The following STXBP3 variants were observed in gnomAD, a reference collection of about 807,000 sequenced individuals.
STXBP3 encodes the protein syntaxin binding protein 3, also known as syntaxin-binding protein 3.
STXBP3 carries 41 observed loss-of-function variants against 85.7 expected under a neutral mutation model. That is an observed-to-expected ratio of 0.48 (90% CI 0.37 to 0.62). The LOEUF is 0.62. Ranked by LOEUF, STXBP3 falls within the 20% of genes least tolerant of loss-of-function variation. The pLI is 0.00. For synonymous variants in STXBP3, 229 were observed against 231.7 expected (o/e 0.99, Z 0.10); for missense variants, 563 against 703.1 (o/e 0.80, Z 2.25).
At chr1:108,796,517 T>C in intron 14 of STXBP3, 103 bp from the exon 15 acceptor site, 1 of 1,212,528 alleles carries the variant, frequency 8.2e-7, no homozygotes, top group African/African-American at 1.5e-5. Flanking sequence ...ATAATTTGAC[T>C]GTTTTTTATT....
intron 1 of STXBP3, among the ~76,000 whole-genome samples, chr1:108,749,551 T>G (rs942201872): frequency 2.6e-5 from 4 of 152,134 alleles, no homozygotes; most frequent in Admixed American, 1.3e-4. Context: ...GCTAGAGAAA[T>G]GGATATAAGG....
intron 1 of STXBP3, among the ~76,000 whole-genome samples, chr1:108,751,658 T>A (rs1192855949): frequency 6.6e-6 from 1 of 152,138 alleles, no homozygotes; most frequent in Non-Finnish European, 1.5e-5. Flanking sequence ...TTGTATAAAT[T>A]GTCCACATGA....
intron 3 of STXBP3, among the ~76,000 whole-genome samples, chr1:108,755,273 T>C (rs2101103566): frequency 6.6e-6 from 1 of 152,034 alleles, no homozygotes; most frequent in East Asian, 1.9e-4. Flanking sequence ...TAGTGAGACT[T>C]TGTCTCTACT....
intron 6 of STXBP3, among the ~76,000 whole-genome samples, chr1:108,764,122 G>A (rs920748790): frequency 5.3e-5 from 8 of 152,032 alleles, no homozygotes; most frequent in Non-Finnish European, 1.0e-4. Flanking sequence ...ACTTGTAAGT[G>A]AAAACATGTA....
chr1:108,769,348 T>C (rs1662333640), intron 6 of STXBP3, among the ~76,000 whole-genome samples: 1 of 152,104 alleles, frequency 6.6e-6, no homozygotes, highest in Non-Finnish European at 1.5e-5. Flanking sequence ...GTAACTTTTA[T>C]TGAAAAAAAT....
Position 108,756,694 on chromosome 1 carries a change from A to G in STXBP3, c.186A>G (p.Val62=). 2 of 1,561,392 alleles carry G rather than the reference A, an allele frequency of 1.3e-6. No homozygotes were observed. The highest frequency in any genetic ancestry group is 2.7e-5 in the African/African-American group (2 of 73,672). Residue 62 remains valine (V), a synonymous_variant, in exon 4 of 19, where the codon GTA becomes GTG. Transcript: ENST00000370008. ...AATGACCTTTTTTCTTGTTAGTTGT[A>G]GAGAATATTTATAAGAACCGTGAAC... The part of the protein sequence containing the change: ...TDLLEEGITV[V]ENIYKNREPV...
intron 1 of STXBP3, among the ~76,000 whole-genome samples, chr1:108,747,251 A>G (rs1419375508): frequency 7.3e-6 from 1 of 137,076 alleles, no homozygotes; most frequent in Non-Finnish European, 1.6e-5. Flanking sequence ...TATTCTGCTT[A>G]TTCGTGTTAG....
At chr1:108,758,676 A>C in intron 5 of STXBP3, 88 bp downstream of exon 5, 2 of 573,490 alleles carry the variant, frequency 3.5e-6, no homozygotes, top group Non-Finnish European at 5.8e-6. Context: ...CCAAAATGTC[A>C]TTAAAGTATC....
chr1:108,748,902 G>A (rs543231399), intron 1 of STXBP3, among the ~76,000 whole-genome samples: 7 of 152,304 alleles, frequency 4.6e-5, no homozygotes, highest in East Asian at 3.9e-4. Flanking sequence ...TTAGGTAGAA[G>A]CCAGTCAGTG....
chr1:108,789,186 TTTCC>T (rs1662925004), intron 11 of STXBP3, among the ~76,000 whole-genome samples: 1 of 152,270 alleles, frequency 6.6e-6, no homozygotes, highest in South Asian at 2.1e-4. Context: ...CTCAGTTTTA[TTTCC>T]TTCCTTCAGC....
intron 17 of STXBP3, 107 bp from the exon 18 acceptor site, chr1:108,807,294 G>T: frequency 8.9e-7 from 1 of 1,120,682 alleles, no homozygotes; most frequent in Non-Finnish European, 1.2e-6. Context: ...AATGTAATTG[G>T]TAGCAAGTTT....
At chr1:108,765,570 A>ATTTT (rs35813823) in intron 6 of STXBP3, among the ~76,000 whole-genome samples, 708 of 67,160 alleles carry the variant, frequency 0.011, 119 homozygotes, top group African/African-American at 0.031. Context: ...CCACATGCTA[A>ATTTT]TTTTTTTTTT....
At chr1:108,779,568 C>T in intron 9 of STXBP3, 158 bp downstream of exon 9, 1 of 751,690 alleles carries the variant, frequency 1.3e-6, no homozygotes, top group African/African-American at 1.8e-5. Flanking sequence ...TAGTCTTTGA[C>T]AGATAATGTT....
chr1:108,804,420 C>T (rs543177050), intron 17 of STXBP3, among the ~76,000 whole-genome samples: 1 of 152,154 alleles, frequency 6.6e-6, no homozygotes, highest in East Asian at 1.9e-4. Context: ...TACTCTCTAT[C>T]CTCCTTTATT....
At position 108,793,157 on chromosome 1, in the gene STXBP3, ATTTTTTTTT is replaced by A. The variant is rs745652259; in HGVS notation, c.964-407_964-399del. On this transcript the variant is annotated intron_variant, in intron 11 of 18. Transcript: ENST00000370008. ...CTCACAGCCCCAAGCTCTTATCTCC[ATTTTTTTTT>A]TTTTTTTTTTTTTTTTTGCACCCAG... Among the ~76,000 whole-genome samples, 6 of 67,510 alleles carry A rather than the reference ATTTTTTTTT, an allele frequency of 8.9e-5. No individual in the cohort carries two copies. In the East Asian group the frequency reaches 2.8e-3, roughly 31 times the overall value. 44.3% of individuals were successfully genotyped at this position (67,510 alleles called of 152,430 possible).
At position 108,793,176 on chromosome 1, in the gene STXBP3, T is replaced by C. The variant is rs914991300; in HGVS notation, c.964-406T>C. Among the ~76,000 whole-genome samples, 5 of 146,566 alleles carry C rather than the reference T, an allele frequency of 3.4e-5. No homozygotes were observed. The East Asian group carries it at 1.0e-3, about 30-fold the overall frequency. On this transcript the variant is annotated intron_variant, in intron 11 of 18. Transcript: ENST00000370008. The stretch of plus-strand genomic sequence containing the variant: ...ATCTCCATTTTTTTTTTTTTTTTTT[T>C]TTTTTTTGCACCCAGGGAGATAATT...
chr1:108,798,154 G>C lies in STXBP3; in HGVS notation c.1366G>C (p.Gly456Arg). The change falls in exon 16 of 19, where the codon GGC becomes CGC. Residue 456 changes from glycine (G) to arginine (R), a missense_variant. Gly to Arg is a moderately radical substitution (Grantham distance 125). This residue lies in a region of STXBP3 where 494 missense variants were observed against 592.8 expected (regional missense o/e 0.83). Coordinates refer to ENST00000370008, the MANE Select transcript of STXBP3 (RefSeq NM_007269.4). ...CCTCTAATTGTATTAGTCTCAACAA[G>C]GCAAACCGTTAAGAAAGGATCGGTC... is the stretch of plus-strand genomic sequence containing the variant. ...GVPIVPQSQQ[G>R]KPLRKDRSAE... The C allele has an allele frequency of 6.2e-7, 1 of 1,607,160 alleles. No individual in the cohort carries two copies. The highest frequency in any genetic ancestry group is 8.5e-7 in the Non-Finnish European group (1 of 1,177,926).
rs1488011599 is a variant in STXBP3 at position 108,776,398 on chromosome 1, A to G, written c.659A>G (p.Lys220Arg). The change falls in exon 8 of 19, where the codon AAG (lysine) becomes AGG (arginine). Residue 220 changes from lysine (K) to arginine (R), a missense_variant. By Grantham distance (26) the Lys-to-Arg change is conservative (BLOSUM62 2). Around this residue, in one of 3 missense-constraint regions of STXBP3, gnomAD observed 494 missense variants for 592.8 expected, o/e 0.83. Transcript: ENST00000370008. ...LVEKKLEDYY[K>R]IDEKSLIKGK... ...GAAAAAAAGCTTGAAGACTACTACA[A>G]GATTGATGAAAAGAGCCTAATAAAG... 38 of 1,608,254 alleles carry G rather than the reference A, an allele frequency of 2.4e-5. No individual in the cohort carries two copies. The highest frequency in any genetic ancestry group is 2.9e-5 in the Non-Finnish European group (34 of 1,177,058).
Position 108,759,967 on chromosome 1 carries a change from G to GC in STXBP3, c.338-18_338-17insC, listed in dbSNP as rs1662102922. ...AAATCTAGATGTAACTATATGCTTTGTTTTTTTTTCCCCTCAGTTTGCCCT... is the reference window on the plus strand; with the variant it reads ...AAATCTAGATGTAACTATATGCTTTGCTTTTTTTTTCCCCTCAGTTTGCCCT... On this transcript the variant is annotated splice_polypyrimidine_tract_variant and intron_variant, in intron 5 of 18. Coordinates refer to ENST00000370008, the MANE Select transcript of STXBP3 (RefSeq NM_007269.4). 1 of 1,405,816 alleles carries GC rather than the reference G, an allele frequency of 7.1e-7. No homozygotes were observed. The allele number at this position is 1,405,816 out of a possible 1,614,324, so 87.1% of individuals were successfully genotyped here.
Sources: allele counts gnomAD v4.1 joint callset (sites outside exome capture counted in the v4.1 genomes callset), GRCh38; gene constraint gnomAD v4.1.1; regional missense constraint gnomAD v4.1.1; transcripts MANE v1.5; gene names NCBI Gene and HGNC (gene_info 2026-07-23, HGNC 2026-07-21).